Variants in FHIT observed in about 807,000 individuals in gnomAD.
FHIT encodes fragile histidine triad diadenosine triphosphatase, also known as bis(5'-adenosyl)-triphosphatase.
In FHIT, 19 loss-of-function variants were observed where a neutral mutation model predicts 17.9. The ratio of observed to expected loss-of-function variants is 1.06; its 90% CI spans 0.74 to 1.56. The LOEUF is 1.56. Among genes scored for constraint, FHIT ranks in the 40% most tolerant of loss-of-function variants. The pLI, the probability that FHIT is intolerant of heterozygous loss-of-function variation, is 0.00. For synonymous variants in FHIT, 81 were observed against 69.7 expected, an observed-to-expected ratio of 1.16 and a Z score of -0.81; for missense variants, 248 against 189.2, an observed-to-expected ratio of 1.31 and a Z score of -1.82.
intron 3 of FHIT, among the ~76,000 whole-genome samples, chr3:60,905,582 C>T (rs113807597): frequency 4.7e-4 from 71 of 152,204 alleles, no homozygotes; most frequent in Middle Eastern, 3.4e-3. Context: ...ATCTAAATGC[C>T]ATCCATAGAT....
At position 60,780,288 on chromosome 3, in the gene FHIT, C is replaced by T. The variant is rs138359946; in HGVS notation, c.-18+41631G>A. Among the ~76,000 whole-genome samples, 213 of 152,254 alleles carry T rather than the reference C, an allele frequency of 1.4e-3. 1 individual carries two copies. The highest frequency in any genetic ancestry group is 4.5e-3 in the African/African-American group (189 of 41,548). The stretch of plus-strand genomic sequence containing the variant: ...AATAGGTAATTGTGTCTCCATACTA[C>T]AAGGCACTCTCCTCAGATGCATCCT... On this transcript the variant is annotated intron_variant, in intron 4 of 9. Coordinates refer to ENST00000492590, the MANE Select transcript of FHIT (RefSeq NM_002012.4).
At chr3:60,445,551 G>A (rs2031271696) in intron 5 of FHIT, among the ~76,000 whole-genome samples, 1 of 152,162 alleles carries the variant, frequency 6.6e-6, no homozygotes, top group African/African-American at 2.4e-5. Flanking sequence ...GTTTACGAAG[G>A]CCTATCTCAT....
chr3:60,269,307 A>T (rs938019316), intron 5 of FHIT, among the ~76,000 whole-genome samples: 3 of 152,240 alleles, frequency 2.0e-5, no homozygotes, highest in African/African-American at 7.2e-5. Flanking sequence ...TGGTTGATGT[A>T]GTTAATCACT....
At chr3:60,244,348 C>A (rs1299821244) in intron 5 of FHIT, among the ~76,000 whole-genome samples, 1 of 151,920 alleles carries the variant, frequency 6.6e-6, no homozygotes, top group Non-Finnish European at 1.5e-5. Flanking sequence ...GATAAAAGGT[C>A]ACACAATTGT....
At chr3:60,661,716 TATTTTTTG>T (rs2040251681) in intron 4 of FHIT, among the ~76,000 whole-genome samples, 1 of 152,188 alleles carries the variant, frequency 6.6e-6, no homozygotes, top group African/African-American at 2.4e-5. Context: ...CAACATCTAT[TATTTTTTG>T]ATTTTTTGAT....
rs968544645 is a variant in FHIT, at chr3:60,612,473, T to C, written c.-17-75494A>G. On this transcript the variant is annotated intron_variant, in intron 4 of 9. Transcript: ENST00000492590. Reference sequence around the variant, plus strand: ...AAAACAAAAATACTCTTTTACACTATTATCAGGAAATCTATGCCTGGCTTT... The same window carrying C: ...AAAACAAAAATACTCTTTTACACTACTATCAGGAAATCTATGCCTGGCTTT... 2.0e-5 allele frequency among the ~76,000 whole-genome samples: 3 copies of C among 152,210 alleles called. No homozygotes were observed. The South Asian group carries it at 6.2e-4, about 32-fold the overall frequency.
chr3:60,135,125 G>T (rs560918546), intron 5 of FHIT, among the ~76,000 whole-genome samples: 3 of 152,212 alleles, frequency 2.0e-5, no homozygotes, highest in Middle Eastern at 3.4e-3. Context: ...ATGGACAACA[G>T]TGCCACAGGA....
At chr3:61,191,527 C>T (rs1225646769) in intron 2 of FHIT, among the ~76,000 whole-genome samples, 2 of 152,086 alleles carry the variant, frequency 1.3e-5, no homozygotes, top group African/African-American at 4.8e-5. Flanking sequence ...GTAAATAAAC[C>T]AATAAATAAC....
chr3:60,100,551 C>A (rs370493310), intron 5 of FHIT, among the ~76,000 whole-genome samples: 16 of 152,070 alleles, frequency 1.1e-4, no homozygotes, highest in African/African-American at 3.6e-4. Flanking sequence ...GGCAGAGGAG[C>A]CTTCGTCCCT....
At chr3:60,981,603 G>T (rs1710498110) in intron 3 of FHIT, among the ~76,000 whole-genome samples, 2 of 151,914 alleles carry the variant, frequency 1.3e-5, no homozygotes, top group Non-Finnish European at 2.9e-5. Flanking sequence ...AAGCCACGGT[G>T]CCCAGCCACT....
intron 8 of FHIT, among the ~76,000 whole-genome samples, chr3:59,816,881 TATTCCAAATGAAGTGACTGAGA>T: frequency 6.6e-6 from 1 of 152,214 alleles, no homozygotes; most frequent in African/African-American, 2.4e-5. Context: ...AAAATCAGCA[TATTCCAAATGAAGTGACTGAGA>T]CTTAAGCAAG....
At chr3:60,190,209 A>G (rs1263788262) in intron 5 of FHIT, among the ~76,000 whole-genome samples, 2 of 152,148 alleles carry the variant, frequency 1.3e-5, no homozygotes, top group South Asian at 2.1e-4. Flanking sequence ...CAGAACCAAA[A>G]TAACGTCCCA....
chr3:60,755,893 A>C (rs192010399), intron 4 of FHIT, among the ~76,000 whole-genome samples: 1 of 152,230 alleles, frequency 6.6e-6, no homozygotes, highest in Non-Finnish European at 1.5e-5. Flanking sequence ...GAATCATTTA[A>C]GGAAAAAGGT....
At chr3:60,365,163 T>A (rs527731310) in intron 5 of FHIT, among the ~76,000 whole-genome samples, 1 of 149,100 alleles carries the variant, frequency 6.7e-6, no homozygotes, top group South Asian at 2.1e-4. Flanking sequence ...ATATATGTAT[T>A]TAATACTATA....
At chr3:60,088,067 A>G (rs1393330334) in intron 5 of FHIT, among the ~76,000 whole-genome samples, 2 of 152,194 alleles carry the variant, frequency 1.3e-5, no homozygotes, top group Non-Finnish European at 1.5e-5. Context: ...GTGGAAGATG[A>G]AAGGGAGCTT....
At chr3:61,065,923 C>G (rs2034593620) in intron 2 of FHIT, among the ~76,000 whole-genome samples, 1 of 152,128 alleles carries the variant, frequency 6.6e-6, no homozygotes, top group Non-Finnish European at 1.5e-5. Context: ...CTGTCTTAGT[C>G]TGCTTTGTGC....
intron 1 of FHIT, among the ~76,000 whole-genome samples, chr3:61,205,043 T>C (rs2039172142): frequency 1.4e-5 from 2 of 146,398 alleles, no homozygotes; most frequent in African/African-American, 5.1e-5. Context: ...CATTGTTCAA[T>C]TCCCACCTAT....
chr3:60,165,961 C>T (rs1299775032), intron 5 of FHIT, among the ~76,000 whole-genome samples: 1 of 152,058 alleles, frequency 6.6e-6, no homozygotes, highest in African/African-American at 2.4e-5. Flanking sequence ...TTTATACTTA[C>T]AAAAATGCCT....
chr3:60,153,543 A>G (rs963155729), intron 5 of FHIT, among the ~76,000 whole-genome samples: 3 of 152,174 alleles, frequency 2.0e-5, no homozygotes, highest in African/African-American at 7.2e-5. Context: ...TTAATGCTAG[A>G]AAACACAGCT....
Sources: gnomAD v4.1 joint callset for allele counts (sites outside exome capture counted in the v4.1 genomes callset) on GRCh38, gnomAD v4.1.1 for gene constraint, MANE v1.5 for transcripts, NCBI Gene and HGNC (gene_info 2026-07-23, HGNC 2026-07-21) for gene names.